CNTNAP2: variants seen among roughly 807,000 people sequenced by gnomAD.
The protein encoded by CNTNAP2 is contactin-associated protein-like 2.
In CNTNAP2, 98 loss-of-function variants were observed where a neutral mutation model predicts 155.2. The ratio of observed to expected loss-of-function variants is 0.63; its 90% CI spans 0.54 to 0.75. The LOEUF (loss-of-function observed/expected upper bound fraction) is 0.75, where lower values mean the gene tolerates loss of function less well. CNTNAP2 is among the 30% of genes least tolerant of loss of function. The probability of loss-of-function intolerance (pLI) is 0.00; values close to 1 mark genes in which losing one functional copy is unlikely to be tolerated. For synonymous variants in CNTNAP2, 651 were observed against 631.2 expected (o/e 1.03, Z -0.47); for missense variants, 1,727 against 1,688.1 (o/e 1.02, Z -0.40).
intron 1 of CNTNAP2, among the ~76,000 whole-genome samples, chr7:146,297,911 A>G (rs1374582995): frequency 6.9e-6 from 1 of 145,686 alleles, no homozygotes; most frequent in African/African-American, 2.8e-5. Flanking sequence ...ACACGTAAAT[A>G]AAAAAAACTT....
intron 10 of CNTNAP2, among the ~76,000 whole-genome samples, chr7:147,410,279 A>G (rs1563194210): frequency 6.6e-6 from 1 of 152,230 alleles, no homozygotes. Flanking sequence ...TTAGCAAACT[A>G]ACACAGGAAC....
intron 1 of CNTNAP2, among the ~76,000 whole-genome samples, chr7:146,628,878 T>A (rs1799464537): frequency 6.6e-6 from 1 of 152,130 alleles, no homozygotes; most frequent in Non-Finnish European, 1.5e-5. Flanking sequence ...TGACGGTTAT[T>A]CTTTATGAAT....
Position 146,695,706 on chromosome 7 carries a change from C to T in CNTNAP2, c.98-78565C>T, listed in dbSNP as rs947765898. On this transcript the variant is annotated intron_variant, in intron 1 of 23. Coordinates refer to ENST00000361727, the MANE Select transcript of CNTNAP2 (RefSeq NM_014141.6). The stretch of plus-strand genomic sequence containing the variant: ...CCTCCCAAAGTGCTAAGATTACAGG[C>T]GTGAACCATTATGCCAGGCCAATTA... Among the ~76,000 whole-genome samples the T allele has an allele frequency of 3.6e-4, 55 of 152,164 alleles. 1 individual carries two copies. The highest frequency in any genetic ancestry group is 2.4e-3 in the Admixed American group (36 of 15,262).
intron 1 of CNTNAP2, among the ~76,000 whole-genome samples, chr7:146,429,724 A>C (rs894776027): frequency 6.6e-6 from 1 of 151,974 alleles, no homozygotes; most frequent in African/African-American, 2.4e-5. Flanking sequence ...TTATTTCTTT[A>C]CCTTGCCTGA....
intron 2 of CNTNAP2, among the ~76,000 whole-genome samples, chr7:146,798,887 A>G (rs1008395333): frequency 6.6e-6 from 1 of 152,152 alleles, no homozygotes; most frequent in Non-Finnish European, 1.5e-5. Flanking sequence ...AACCTGTTCT[A>G]GCCATTTTCT....
At chr7:147,101,514 C>T (rs912638238) in intron 4 of CNTNAP2, among the ~76,000 whole-genome samples, 1 of 152,158 alleles carries the variant, frequency 6.6e-6, no homozygotes, top group African/African-American at 2.4e-5. Flanking sequence ...GTCAGGGTGA[C>T]AGCCTTTTAT....
intron 13 of CNTNAP2, among the ~76,000 whole-genome samples, chr7:147,678,403 A>G (rs1018947661): frequency 2.6e-5 from 4 of 151,758 alleles, no homozygotes; most frequent in African/African-American, 9.7e-5. Context: ...TTTGTTATTG[A>G]TTTCTTTTGT....
Position 147,234,320 on chromosome 7 carries a change from G to T in CNTNAP2, c.1349-65821G>T, listed in dbSNP as rs954892177. ...AGATTCCATTTGAGTTTCACCAGTT[G>T]TCCCAAGAGTATTCTTTTTTTTTTT... On this transcript the variant is annotated intron_variant, in intron 8 of 23. Transcript: ENST00000361727. Among the ~76,000 whole-genome samples, 80 of 141,488 alleles carry T rather than the reference G, an allele frequency of 5.7e-4. 1 individual carries two copies. In the East Asian group the frequency reaches 7.9e-3, roughly 14 times the overall value. The allele number at this position is 141,488 out of a possible 152,430, so 92.8% of individuals were successfully genotyped here.
chr7:147,984,352 G>A (rs764641167), intron 15 of CNTNAP2, among the ~76,000 whole-genome samples: 1 of 152,142 alleles, frequency 6.6e-6, no homozygotes, highest in Admixed American at 6.5e-5. Context: ...GCCTTATTTC[G>A]AGATGGAGTT....
chr7:148,054,974 C>T (rs952012039), intron 15 of CNTNAP2, among the ~76,000 whole-genome samples: 6 of 151,788 alleles, frequency 4.0e-5, no homozygotes, highest in African/African-American at 1.5e-4. Flanking sequence ...CCTCTTCCTC[C>T]CTGGTTCAAG....
chr7:147,341,550 A>G (rs377021005), intron 9 of CNTNAP2, among the ~76,000 whole-genome samples: 1 of 152,164 alleles, frequency 6.6e-6, no homozygotes, highest in Admixed American at 6.6e-5. Context: ...TTTTTTCACA[A>G]CTTATTTAGG....
At chr7:147,771,600 T>C (rs1033605955) in intron 13 of CNTNAP2, among the ~76,000 whole-genome samples, 3 of 152,208 alleles carry the variant, frequency 2.0e-5, no homozygotes, top group Non-Finnish European at 4.4e-5. Context: ...TTGTACATAG[T>C]TGAAATTTCG....
intron 9 of CNTNAP2, among the ~76,000 whole-genome samples, chr7:147,369,252 T>C (rs1173272033): frequency 6.6e-6 from 1 of 152,242 alleles, no homozygotes; most frequent in East Asian, 1.9e-4. Flanking sequence ...TCCAGCATCG[T>C]ATTGGATATC....
At chr7:146,766,680 G>A (rs1014131355) in intron 1 of CNTNAP2, among the ~76,000 whole-genome samples, 14 of 152,102 alleles carry the variant, frequency 9.2e-5, no homozygotes, top group Non-Finnish European at 1.6e-4. Flanking sequence ...TCAATGAGAT[G>A]ACCCACTCAA....
intron 2 of CNTNAP2, among the ~76,000 whole-genome samples, chr7:146,799,529 C>G (rs963545441): frequency 3.9e-5 from 6 of 152,142 alleles, no homozygotes; most frequent in Non-Finnish European, 7.3e-5. Context: ...TTATATATGA[C>G]TTACATGCAC....
chr7:148,388,530 A>C (rs1212016929), intron 22 of CNTNAP2, among the ~76,000 whole-genome samples: 2 of 152,034 alleles, frequency 1.3e-5, no homozygotes, highest in Non-Finnish European at 2.9e-5. Context: ...ACATTTTCTT[A>C]ATCCAGTCTA....
chr7:147,868,868 A>C (rs1035208810), intron 13 of CNTNAP2, among the ~76,000 whole-genome samples: 1 of 152,224 alleles, frequency 6.6e-6, no homozygotes, highest in African/African-American at 2.4e-5. Context: ...TTTTCCAGGT[A>C]CAGTCTGTCA....
chr7:147,368,100 ACAC>A (rs1460091300), intron 9 of CNTNAP2, among the ~76,000 whole-genome samples: 3 of 65,286 alleles, frequency 4.6e-5, no homozygotes, highest in Non-Finnish European at 1.1e-4. Context: ...TCTCTGTCAC[ACAC>A]ACACACACAC....
rs536997340 is a variant in CNTNAP2 at position 146,552,190 on chromosome 7, A to T, written c.98-222081A>T. On this transcript the variant is annotated intron_variant, in intron 1 of 23. Coordinates refer to ENST00000361727, the MANE Select transcript of CNTNAP2 (RefSeq NM_014141.6). ...TTATCATGCCTAAATACTATTGTAT[A>T]AAGTTTTCTTCCCACACGTCAGAAA... is the stretch of plus-strand genomic sequence containing the variant. Among the ~76,000 whole-genome samples, 8 of 152,258 alleles carry T rather than the reference A, an allele frequency of 5.3e-5. No homozygotes were observed. In the East Asian group the frequency reaches 1.5e-3, roughly 29 times the overall value.
Sources: gnomAD v4.1 joint callset for allele counts (sites outside exome capture counted in the v4.1 genomes callset) on GRCh38, gnomAD v4.1.1 for gene constraint, MANE v1.5 for transcripts, NCBI Gene and HGNC (gene_info 2026-07-23, HGNC 2026-07-21) for gene names.